Variants in MSRA observed in about 807,000 individuals in gnomAD.
MSRA encodes mitochondrial peptide methionine sulfoxide reductase.
Under a neutral mutation model 31.3 loss-of-function variants are expected in MSRA, and 54 were observed. The observed-to-expected ratio is 1.73, with a 90% confidence interval of 1.39 to 2.17. The LOEUF (loss-of-function observed/expected upper bound fraction) is 2.17, where lower values mean the gene tolerates loss of function less well. MSRA is among the 30% of genes most tolerant of loss of function. The pLI is 0.00. For missense variants in MSRA, 507 were observed against 300.9 expected, an observed-to-expected ratio of 1.69 and a Z score of -5.07; for synonymous variants, 169 against 116.5, an observed-to-expected ratio of 1.45 and a Z score of -2.90.
At chr8:10,389,266 C>T (rs900824697) in intron 5 of MSRA, among the ~76,000 whole-genome samples, 7 of 152,258 alleles carry the variant, frequency 4.6e-5, no homozygotes, top group Admixed American at 6.5e-5. Flanking sequence ...TGAGAACCAC[C>T]GGAGTCATCT....
At chr8:10,418,886 A>T (rs552342510) in intron 5 of MSRA, among the ~76,000 whole-genome samples, 65 of 144,956 alleles carry the variant, frequency 4.5e-4, no homozygotes, top group Non-Finnish European at 7.0e-4. Context: ...TGAGCCTGAG[A>T]GGTCAAAGTT....
At chr8:10,371,739 A>G (rs1805489568) in intron 5 of MSRA, among the ~76,000 whole-genome samples, 2 of 152,032 alleles carry the variant, frequency 1.3e-5, no homozygotes, top group African/African-American at 2.4e-5. Context: ...TGCAGTTCCT[A>G]CCATGCAAGC....
intron 2 of MSRA, among the ~76,000 whole-genome samples, chr8:10,223,764 G>A (rs1400882990): frequency 6.6e-6 from 1 of 152,134 alleles, no homozygotes; most frequent in Non-Finnish European, 1.5e-5. Flanking sequence ...AAATCTAGAT[G>A]GTTAAAGGCA....
intron 5 of MSRA, among the ~76,000 whole-genome samples, chr8:10,426,566 G>T (rs577060481): frequency 6.6e-6 from 1 of 152,182 alleles, no homozygotes; most frequent in Admixed American, 6.5e-5. Context: ...GCCAAATTTC[G>T]TGTGAGTTTC....
At chr8:10,238,632 A>G (rs1248968135) in intron 2 of MSRA, among the ~76,000 whole-genome samples, 1 of 152,214 alleles carries the variant, frequency 6.6e-6, no homozygotes, top group Non-Finnish European at 1.5e-5. Context: ...GATGTCATAT[A>G]AAGGTAACAT....
At chr8:10,300,048 T>C (rs374792300) in intron 3 of MSRA, among the ~76,000 whole-genome samples, 2 of 152,074 alleles carry the variant, frequency 1.3e-5, no homozygotes, top group African/African-American at 4.8e-5. Flanking sequence ...TCTAAAAGTT[T>C]TAGTGACATG....
intron 5 of MSRA, among the ~76,000 whole-genome samples, chr8:10,414,794 C>A (rs576341510): frequency 7.4e-4 from 113 of 152,304 alleles, no homozygotes; most frequent in African/African-American, 2.6e-3. Flanking sequence ...AAGTGGTTTT[C>A]TTTGTGTACT....
intron 1 of MSRA, among the ~76,000 whole-genome samples, chr8:10,196,191 A>T (rs1807971983): frequency 6.6e-6 from 1 of 152,234 alleles, no homozygotes; most frequent in Non-Finnish European, 1.5e-5. Flanking sequence ...TGACATGTTC[A>T]CAAGGAAGAG....
chr8:10,100,564 T>C (rs915563089), intron 1 of MSRA, among the ~76,000 whole-genome samples: 1 of 152,004 alleles, frequency 6.6e-6, no homozygotes, highest in African/African-American at 2.4e-5. Context: ...CTAGAGAACA[T>C]GGTGAAACAG....
chr8:10,115,039 A>G (rs1158734342), intron 1 of MSRA, among the ~76,000 whole-genome samples: 1 of 152,364 alleles, frequency 6.6e-6, no homozygotes, highest in East Asian at 1.9e-4. Context: ...AATGGAATAA[A>G]CCAGTGGATT....
chr8:10,403,015 G>A (rs1301754432), intron 5 of MSRA, among the ~76,000 whole-genome samples: 4 of 152,182 alleles, frequency 2.6e-5, no homozygotes, highest in Non-Finnish European at 4.4e-5. Context: ...CAGAAGTTAT[G>A]TAGCCAAGTT....
At chr8:10,258,613 C>T (rs1011409535) in intron 3 of MSRA, among the ~76,000 whole-genome samples, 1 of 152,190 alleles carries the variant, frequency 6.6e-6, no homozygotes, top group African/African-American at 2.4e-5. Context: ...GTAAGCCCTG[C>T]ACGGTGCTTC....
intron 5 of MSRA, among the ~76,000 whole-genome samples, chr8:10,343,362 G>C (rs1803564212): frequency 6.6e-6 from 1 of 152,218 alleles, no homozygotes; most frequent in Non-Finnish European, 1.5e-5. Context: ...ATGCAGGAGT[G>C]ATCAGTGTTT....
intron 1 of MSRA, among the ~76,000 whole-genome samples, chr8:10,094,781 T>G (rs1799037878): frequency 6.6e-6 from 1 of 152,248 alleles, no homozygotes; most frequent in South Asian, 2.1e-4. Flanking sequence ...CAAACAGTAC[T>G]TATTTATGCT....
intron 2 of MSRA, among the ~76,000 whole-genome samples, chr8:10,236,061 G>C (rs914007215): frequency 6.6e-6 from 1 of 152,112 alleles, no homozygotes; most frequent in African/African-American, 2.4e-5. Context: ...AGCATGCATT[G>C]TTAATATTCA....
intron 1 of MSRA, among the ~76,000 whole-genome samples, chr8:10,182,446 C>G (rs574958817): frequency 1.3e-5 from 2 of 152,312 alleles, no homozygotes; most frequent in South Asian, 2.1e-4. Context: ...GAGTCTCTCA[C>G]AAGGCTACCC....
intron 5 of MSRA, among the ~76,000 whole-genome samples, chr8:10,346,792 A>G (rs543220476): frequency 6.6e-6 from 1 of 152,220 alleles, no homozygotes; most frequent in African/African-American, 2.4e-5. Context: ...AGGGAAATTA[A>G]TCAAGTCCTT....
Position 10,103,139 on chromosome 8 carries a change from C to T in MSRA, c.142+48481C>T, listed in dbSNP as rs77004133. ...AAATTATTTTTAAAAGGAGAGAATACGCTACCTGGGTAAGATTTCCATTTT... is the reference window on the plus strand; with the variant it reads ...AAATTATTTTTAAAAGGAGAGAATATGCTACCTGGGTAAGATTTCCATTTT... On this transcript the variant is annotated intron_variant, in intron 1 of 5. Coordinates refer to ENST00000317173, the MANE Select transcript of MSRA (RefSeq NM_012331.5). Among the ~76,000 whole-genome samples, 1,124 of 152,198 alleles carry T rather than the reference C, an allele frequency of 7.4e-3. 5 individuals carry two copies. Among genetic ancestry groups the T allele is most frequent in the Middle Eastern group, 0.014 (4 of 294 alleles).
chr8:10,276,488 A>G (rs867520175), intron 3 of MSRA, among the ~76,000 whole-genome samples: 2 of 152,206 alleles, frequency 1.3e-5, no homozygotes, highest in Non-Finnish European at 2.9e-5. Flanking sequence ...TGCTGCCTCA[A>G]TGGAGCAGTC....
Sources: gnomAD v4.1 joint callset for allele counts (sites outside exome capture counted in the v4.1 genomes callset) on GRCh38, gnomAD v4.1.1 for gene constraint, MANE v1.5 for transcripts, NCBI Gene and HGNC (gene_info 2026-07-23, HGNC 2026-07-21) for gene names.